Variants in PRIMA1 observed in about 807,000 individuals in gnomAD.
The protein encoded by PRIMA1 is proline-rich membrane anchor 1.
In PRIMA1, 7 loss-of-function variants were observed where a neutral mutation model predicts 17.5. That is an observed-to-expected ratio of 0.40 (90% CI 0.23 to 0.75). The LOEUF (loss-of-function observed/expected upper bound fraction) is 0.75, where lower values mean the gene tolerates loss of function less well. PRIMA1 is among the 30% of genes least tolerant of loss of function. The probability of loss-of-function intolerance (pLI) is 0.37; values close to 1 mark genes in which losing one functional copy is unlikely to be tolerated. For missense variants in PRIMA1, 200 were observed against 201.8 expected, an observed-to-expected ratio of 0.99 and a Z score of 0.05; for synonymous variants, 97 against 77.9, an observed-to-expected ratio of 1.25 and a Z score of -1.29.
At chr14:93,761,882 A>C (rs1280872558) in intron 3 of PRIMA1, among the ~76,000 whole-genome samples, 1 of 152,214 alleles carries the variant, frequency 6.6e-6, no homozygotes, top group Non-Finnish European at 1.5e-5. Context: ...TGGGCTGTGC[A>C]CTTTTTTAGC....
chr14:93,721,499 G>A lies in PRIMA1; in HGVS notation c.407C>T (p.Pro136Leu). Reference sequence around the variant, plus strand: ...TTTGTTGCTCTGCGAAGCACTCATGGGATACTCAGCAACGCTGGTGCCATT... The same window carrying A: ...TTTGTTGCTCTGCGAAGCACTCATGAGATACTCAGCAACGCTGGTGCCATT... ...DENGTSVAEY[P>L]MSASQSNKGV... Residue 136 changes from proline to leucine, a missense_variant, in exon 5 of 5, where the codon CCC becomes CTC. Transcript: ENST00000393140. The A allele has an allele frequency of 6.2e-7, 1 of 1,613,966 alleles. No homozygotes were observed. Among genetic ancestry groups the A allele is most frequent in the Non-Finnish European group, 8.5e-7 (1 of 1,179,926 alleles).
intron 3 of PRIMA1, among the ~76,000 whole-genome samples, chr14:93,772,287 C>T (rs1287832198): frequency 6.6e-6 from 1 of 152,262 alleles, no homozygotes; most frequent in East Asian, 1.9e-4. Context: ...TAACCTCCTT[C>T]TGATCTTTCC....
At chr14:93,749,112 C>A (rs2076245047) in intron 3 of PRIMA1, among the ~76,000 whole-genome samples, 1 of 152,240 alleles carries the variant, frequency 6.6e-6, no homozygotes, top group African/African-American at 2.4e-5. Context: ...CTTTTAGTAG[C>A]TGCATTCCAC....
intron 3 of PRIMA1, among the ~76,000 whole-genome samples, chr14:93,750,677 A>C (rs932082000): frequency 1.3e-5 from 2 of 152,126 alleles, no homozygotes; most frequent in Non-Finnish European, 2.9e-5. Flanking sequence ...AAGTTTTTTT[A>C]CCCCTAATTT....
intron 3 of PRIMA1, among the ~76,000 whole-genome samples, chr14:93,772,569 G>A (rs1448273946): frequency 4.6e-5 from 7 of 152,240 alleles, no homozygotes; most frequent in Non-Finnish European, 1.0e-4. Context: ...GGGCTCTGGT[G>A]GCTGCTGAAG....
At chr14:93,737,218 G>A in intron 4 of PRIMA1, 23 bp downstream of exon 4, 2 of 1,612,954 alleles carry the variant, frequency 1.2e-6, no homozygotes, top group South Asian at 2.2e-5. Context: ...GCTTGAAGCT[G>A]GGTGCAGTGA....
rs1595187948 is a variant in PRIMA1 at position 93,724,855 on chromosome 14, G to A, written c.360-3309C>T. 3.3e-5 allele frequency among the ~76,000 whole-genome samples: 5 copies of A among 152,154 alleles called. No individual in the cohort carries two copies. The East Asian group carries it at 9.6e-4, about 29-fold the overall frequency. On this transcript the variant is annotated intron_variant, in intron 4 of 4. Transcript: ENST00000393140. ...GGAGATATGGCTTAAGGGCCTTCTAGGGTGGATAATGAAGAAATGAAGGCG... is the reference window on the plus strand; with the variant it reads ...GGAGATATGGCTTAAGGGCCTTCTAAGGTGGATAATGAAGAAATGAAGGCG...
intron 3 of PRIMA1, among the ~76,000 whole-genome samples, chr14:93,772,136 G>A (rs1885088646): frequency 2.0e-5 from 3 of 152,160 alleles, no homozygotes; most frequent in African/African-American, 7.2e-5. Flanking sequence ...GTCCTGGGTG[G>A]GTAAAAAGGA....
chr14:93,735,035 G>A (rs2076140836), intron 4 of PRIMA1, among the ~76,000 whole-genome samples: 1 of 152,212 alleles, frequency 6.6e-6, no homozygotes, highest in Non-Finnish European at 1.5e-5. Context: ...TCCTCCGGTA[G>A]AAGCAGGTAG....
At chr14:93,738,283 G>A (rs145433571) in intron 3 of PRIMA1, among the ~76,000 whole-genome samples, 2 of 152,252 alleles carry the variant, frequency 1.3e-5, no homozygotes, top group East Asian at 1.9e-4. Flanking sequence ...AGGCCGGTTC[G>A]CTTTCCTCTG....
chr14:93,775,823 T>C (rs760970344), intron 3 of PRIMA1, among the ~76,000 whole-genome samples: 6 of 152,262 alleles, frequency 3.9e-5, no homozygotes, highest in Non-Finnish European at 7.3e-5. Flanking sequence ...GTTTTAGCCC[T>C]TCTATTCGGA....
chr14:93,738,434 AAG>A (rs1373231010), intron 3 of PRIMA1, among the ~76,000 whole-genome samples: 19 of 152,198 alleles, frequency 1.2e-4, no homozygotes, highest in African/African-American at 4.6e-4. Flanking sequence ...ACAAAGAGGA[AAG>A]GGGATGATGA....
chr14:93,768,878 T>G (rs984800125), intron 3 of PRIMA1, among the ~76,000 whole-genome samples: 1 of 148,224 alleles, frequency 6.7e-6, no homozygotes, highest in Non-Finnish European at 1.5e-5. Context: ...CGATCTTGGC[T>G]CACCGCGACC....
At chr14:93,747,422 T>C (rs2076225425) in intron 3 of PRIMA1, among the ~76,000 whole-genome samples, 1 of 151,178 alleles carries the variant, frequency 6.6e-6, no homozygotes, top group African/African-American at 2.4e-5. Flanking sequence ...TGAGAGGAAA[T>C]GGAAATGGTG....
intron 3 of PRIMA1, among the ~76,000 whole-genome samples, chr14:93,747,880 GGGAGAGTGTGTGTA>G: frequency 6.8e-6 from 1 of 147,668 alleles, no homozygotes. Flanking sequence ...GGGACTGAGT[GGGAGAGTGTGTGTA>G]TGAGTGTGTA....
chr14:93,737,368 G>A lies in PRIMA1; in HGVS notation c.232C>T (p.Pro78Ser). Residue 78 changes from proline (P) to serine (S), a missense_variant and splice_region_variant, in exon 4 of 5, where the codon CCC becomes TCC. By Grantham distance (74) the Pro-to-Ser change is moderately conservative. Coordinates refer to ENST00000393140, the MANE Select transcript of PRIMA1 (RefSeq NM_178013.4). Reference sequence around the variant, plus strand: ...TCAGTGGGGCAAGAGGTAGAGTTGGGAGCTGAAAAAGACAGGAGCAGCCTG... The same window carrying A: ...TCAGTGGGGCAAGAGGTAGAGTTGGAAGCTGAAAAAGACAGGAGCAGCCTG... ...PPPRLLSAPA[P>S]NSTSCPTEES... 1 of 1,613,808 alleles carries A rather than the reference G, an allele frequency of 6.2e-7. No homozygotes were observed. Among genetic ancestry groups the A allele is most frequent in the Non-Finnish European group, 8.5e-7 (1 of 1,179,888 alleles).
chr14:93,748,028 CTGTG>C (rs368653331), intron 3 of PRIMA1, among the ~76,000 whole-genome samples: 3 of 91,426 alleles, frequency 3.3e-5, no homozygotes, highest in African/African-American at 1.2e-4. Flanking sequence ...GAGTGGGGGA[CTGTG>C]TGTGGGAGTG....
chr14:93,719,554 T>A lies in PRIMA1; in HGVS notation c.*1890A>T, dbSNP rs1404663237. On this transcript the variant is annotated 3_prime_UTR_variant, in exon 5 of 5. Transcript: ENST00000393140. ...GCTAGGGTCCTGCCCAGGGGTCTGC[T>A]TAGGGCACAGCTTGGGGGTTCAACA... 1 of 152,710 alleles carries A rather than the reference T, an allele frequency of 6.5e-6. No individual in the cohort carries two copies. The highest frequency in any genetic ancestry group is 1.5e-5 in the Non-Finnish European group (1 of 68,468). The allele number at this position is 152,710 out of a possible 1,614,324, so 9.5% of individuals were successfully genotyped here.
chr14:93,731,072 T>C (rs1006577776), intron 4 of PRIMA1, among the ~76,000 whole-genome samples: 3 of 152,180 alleles, frequency 2.0e-5, no homozygotes, highest in African/African-American at 7.2e-5. Context: ...GAGGAGGCAT[T>C]GTTAACCCCA....
Sources: allele counts gnomAD v4.1 joint callset (sites outside exome capture counted in the v4.1 genomes callset), GRCh38; gene constraint gnomAD v4.1.1; transcripts MANE v1.5; gene names NCBI Gene and HGNC (gene_info 2026-07-23, HGNC 2026-07-21).